Variants in GRM5 observed in about 807,000 individuals in gnomAD.
The protein encoded by GRM5 is glutamate metabotropic receptor 5, also known as metabotropic glutamate receptor 5.
In GRM5, 19 loss-of-function variants were observed where a neutral mutation model predicts 83.1. That is an observed-to-expected ratio of 0.23 (90% CI 0.16 to 0.34). The LOEUF (loss-of-function observed/expected upper bound fraction) is 0.34. GRM5 is among the 10% of genes least tolerant of loss of function. GRM5 has a pLI of 1.00. For missense variants in GRM5, 1,160 were observed against 1,588.3 expected (o/e 0.73, Z 4.58); for synonymous variants, 675 against 633.6 (o/e 1.07, Z -0.98).
chr11:88,815,379 T>C (rs1470412785), intron 3 of GRM5, among the ~76,000 whole-genome samples: 4 of 152,216 alleles, frequency 2.6e-5, no homozygotes, highest in Non-Finnish European at 4.4e-5. Context: ...TTGAAGTATA[T>C]ACAAATAAAA....
chr11:88,745,192 A>T (rs28422836), intron 3 of GRM5, among the ~76,000 whole-genome samples: 26 of 131,952 alleles, frequency 2.0e-4, no homozygotes, highest in Admixed American at 4.5e-4. Context: ...TTTTCTTTTT[A>T]TTTTTCTTTT....
chr11:88,838,002 G>A (rs1944123243), intron 3 of GRM5, among the ~76,000 whole-genome samples: 1 of 138,190 alleles, frequency 7.2e-6, no homozygotes, highest in Non-Finnish European at 1.5e-5. Flanking sequence ...GGAGAATGTC[G>A]TGAACCCGGG....
At chr11:89,046,598 AAAAC>A (rs1314824957) in intron 2 of GRM5, among the ~76,000 whole-genome samples, 4 of 152,238 alleles carry the variant, frequency 2.6e-5, no homozygotes, top group Admixed American at 2.6e-4. Context: ...AATAAATTTT[AAAAC>A]AAACATGTTG....
chr11:88,592,969 A>G (rs1173094977), intron 6 of GRM5, among the ~76,000 whole-genome samples: 1 of 152,064 alleles, frequency 6.6e-6, no homozygotes, highest in Non-Finnish European at 1.5e-5. Flanking sequence ...GTGTGCCACC[A>G]TGCCCAATTA....
At chr11:89,024,452 C>G (rs776382450) in intron 2 of GRM5, among the ~76,000 whole-genome samples, 6 of 152,098 alleles carry the variant, frequency 3.9e-5, no homozygotes, top group Non-Finnish European at 8.8e-5. Flanking sequence ...GATCATCTAC[C>G]AAATTAATGA....
At chr11:88,679,792 A>G (rs1408047978) in intron 3 of GRM5, among the ~76,000 whole-genome samples, 1 of 152,166 alleles carries the variant, frequency 6.6e-6, no homozygotes, top group East Asian at 1.9e-4. Context: ...TACTTGATTT[A>G]TATTAATTCA....
At chr11:88,789,986 C>A (rs1160685514) in intron 3 of GRM5, among the ~76,000 whole-genome samples, 1 of 152,172 alleles carries the variant, frequency 6.6e-6, no homozygotes, top group African/African-American at 2.4e-5. Flanking sequence ...TCCCAAGTAG[C>A]TGGCAGCTGG....
chr11:88,643,935 TTCA>T (rs1320839618), intron 4 of GRM5, among the ~76,000 whole-genome samples: 1 of 152,194 alleles, frequency 6.6e-6, no homozygotes, highest in East Asian at 1.9e-4. Context: ...GTGAGACATA[TTCA>T]TCAGAGAGAT....
chr11:88,963,352 T>A (rs1304398540), intron 2 of GRM5, among the ~76,000 whole-genome samples: 1 of 152,214 alleles, frequency 6.6e-6, no homozygotes, highest in East Asian at 1.9e-4. Context: ...TTGCCCAGAA[T>A]CAAATTTACT....
chr11:89,050,816 G>T (rs1459219748), intron 1 of GRM5, among the ~76,000 whole-genome samples: 2 of 152,094 alleles, frequency 1.3e-5, no homozygotes, highest in Admixed American at 6.5e-5. Flanking sequence ...GACATGGATG[G>T]AGCTGGAGGC....
At chr11:88,923,969 T>G (rs1945739342) in intron 2 of GRM5, among the ~76,000 whole-genome samples, 1 of 151,030 alleles carries the variant, frequency 6.6e-6, no homozygotes, top group Non-Finnish European at 1.5e-5. Context: ...GAAAAATAAA[T>G]AAATACTAAA....
intron 3 of GRM5, among the ~76,000 whole-genome samples, chr11:88,769,102 G>C (rs192785840): frequency 6.6e-6 from 1 of 152,002 alleles, no homozygotes; most frequent in Admixed American, 6.6e-5. Context: ...ATAGGGATAT[G>C]GGGTAACAAT....
At chr11:88,761,559 A>T (rs1185858274) in intron 3 of GRM5, among the ~76,000 whole-genome samples, 1 of 152,108 alleles carries the variant, frequency 6.6e-6, no homozygotes, top group African/African-American at 2.4e-5. Flanking sequence ...GAGATGACAC[A>T]AACAAATGAA....
intron 2 of GRM5, among the ~76,000 whole-genome samples, chr11:88,891,120 A>G (rs316111): frequency 0.96 from 146,408 of 152,094 alleles, 70,515 homozygotes; most frequent in East Asian, 0.99. Flanking sequence ...GTTATAAAAA[A>G]GGTTTGTAAG....
intron 2 of GRM5, among the ~76,000 whole-genome samples, chr11:88,891,479 G>A (rs1434452321): frequency 1.3e-5 from 2 of 151,908 alleles, no homozygotes; most frequent in Non-Finnish European, 2.9e-5. Flanking sequence ...TCAGAAAATA[G>A]GTGAACAGGA....
chr11:88,750,420 A>G (rs978029440), intron 3 of GRM5, among the ~76,000 whole-genome samples: 1 of 152,230 alleles, frequency 6.6e-6, no homozygotes, highest in Non-Finnish European at 1.5e-5. Flanking sequence ...CCAATGCAAG[A>G]GCACCTGGAT....
At chr11:88,716,863 T>C (rs1941411075) in intron 3 of GRM5, among the ~76,000 whole-genome samples, 1 of 151,994 alleles carries the variant, frequency 6.6e-6, no homozygotes, top group Non-Finnish European at 1.5e-5. Context: ...GTTTTTATTC[T>C]AGCATATGCC....
chr11:88,711,314 T>G (rs1332223210), intron 3 of GRM5, among the ~76,000 whole-genome samples: 1 of 152,208 alleles, frequency 6.6e-6, no homozygotes, highest in Non-Finnish European at 1.5e-5. Context: ...ACTGACTGAA[T>G]TCTACCGCAG....
intron 2 of GRM5, among the ~76,000 whole-genome samples, chr11:88,993,708 T>C (rs1940073814): frequency 6.6e-6 from 1 of 152,164 alleles, no homozygotes. Context: ...TTTCTGGTTT[T>C]ATTTCTGGTG....
Sources: allele counts gnomAD v4.1 joint callset (sites outside exome capture counted in the v4.1 genomes callset), GRCh38; gene constraint gnomAD v4.1.1; transcripts MANE v1.5; gene names NCBI Gene and HGNC (gene_info 2026-07-23, HGNC 2026-07-21).